ANKRD10: variants seen among roughly 807,000 people sequenced by gnomAD.
The protein encoded by ANKRD10 is ankyrin repeat domain-containing protein 10.
Under a neutral mutation model 27.0 loss-of-function variants are expected in ANKRD10, and 14 were observed. The ratio of observed to expected loss-of-function variants is 0.52; its 90% CI spans 0.34 to 0.81. The LOEUF is 0.81. Ranked by LOEUF, ANKRD10 falls within the 40% of genes least tolerant of loss-of-function variation. The probability of loss-of-function intolerance (pLI) is 0.01; values close to 1 mark genes in which losing one functional copy is unlikely to be tolerated. For missense variants in ANKRD10, 493 were observed against 544.0 expected, an observed-to-expected ratio of 0.91 and a Z score of 0.93; for synonymous variants, 250 against 224.5, an observed-to-expected ratio of 1.11 and a Z score of -1.01.
intron 4 of ANKRD10, among the ~76,000 whole-genome samples, chr13:110,891,695 GTTTTCCTTA>G (rs2065077554): frequency 6.6e-6 from 1 of 152,040 alleles, no homozygotes; most frequent in Non-Finnish European, 1.5e-5. Flanking sequence ...TAGTCACTCA[GTTTTCCTTA>G]TGCTGTAACT....
chr13:110,913,806 A>C (rs1351888350), intron 1 of ANKRD10, among the ~76,000 whole-genome samples: 3 of 152,228 alleles, frequency 2.0e-5, no homozygotes, highest in Non-Finnish European at 4.4e-5. Context: ...AGAAATATTA[A>C]TTAAAACCAG....
chr13:110,881,868 A>C (rs2064825506), intron 5 of ANKRD10, among the ~76,000 whole-genome samples: 2 of 152,202 alleles, frequency 1.3e-5, no homozygotes, highest in Non-Finnish European at 2.9e-5. Context: ...AATCTAATAA[A>C]ACTAAGCATA....
intron 3 of ANKRD10, among the ~76,000 whole-genome samples, chr13:110,902,512 C>T (rs2065413002): frequency 2.0e-5 from 3 of 152,092 alleles, no homozygotes; most frequent in Non-Finnish European, 4.4e-5. Context: ...TTGTTATAGC[C>T]AACTGTGCCT....
chr13:110,906,074 T>C lies in ANKRD10; in HGVS notation c.414A>G (p.Leu138=). ...TCGCCACAAGGGCACTGATGCATTC[T>C]AGGCTCCCAGAGCGAGCTGCCTTGT... ...PIHKAARSGS[L]ECISALVANG... is the part of the protein sequence containing the mutation. Residue 138 remains leucine, a synonymous_variant, in exon 3 of 6, where the codon CTA becomes CTG. Transcript: ENST00000267339. 1.2e-6 allele frequency: 2 copies of C among 1,605,052 alleles called. No individual in the cohort carries two copies. Among genetic ancestry groups the C allele is most frequent in the African/African-American group, 2.7e-5 (2 of 74,984 alleles).
At chr13:110,882,230 G>A (rs75292703) in intron 5 of ANKRD10, among the ~76,000 whole-genome samples, 41,496 of 152,070 alleles carry the variant, frequency 0.27, 7,088 homozygotes, top group Non-Finnish European at 0.39. Context: ...TAGAATTCTT[G>A]GAAATAATTT....
intron 3 of ANKRD10, among the ~76,000 whole-genome samples, chr13:110,904,724 T>C (rs1221027477): frequency 6.6e-6 from 1 of 152,260 alleles, no homozygotes; most frequent in Non-Finnish European, 1.5e-5. Context: ...TAAAACATAC[T>C]ATCAATTGTT....
intron 3 of ANKRD10, among the ~76,000 whole-genome samples, chr13:110,902,348 T>C (rs762054349): frequency 1.6e-5 from 2 of 126,734 alleles, no homozygotes; most frequent in Non-Finnish European, 3.5e-5. Context: ...ATCTGGTTTC[T>C]AGACAGGGCT....
chr13:110,879,653 A>C lies in ANKRD10; in HGVS notation c.1247T>G (p.Leu416Arg). The change falls in exon 6 of 6, where the codon CTG (leucine) becomes CGG (arginine). Residue 416 changes from leucine to arginine, a missense_variant. Physicochemically the swap from Leu to Arg is moderately radical, Grantham distance 102 (BLOSUM62 -2). Transcript: ENST00000267339. ...YDSAVLGTMH[L>R]HHGS The stretch of plus-strand genomic sequence containing the variant: ...TCAGCGTCTCTAGGAGCCGTGGTGC[A>C]GGTGCATGGTGCCCAGCACGGCACT... 2 of 1,612,086 alleles carry C rather than the reference A, an allele frequency of 1.2e-6. No individual in the cohort carries two copies. Among genetic ancestry groups the C allele is most frequent in the Non-Finnish European group, 1.7e-6 (2 of 1,178,910 alleles).
chr13:110,904,466 C>T (rs2065471283), intron 3 of ANKRD10: 1 of 152,092 alleles, frequency 6.6e-6, no homozygotes, highest in African/African-American at 2.4e-5. Flanking sequence ...ATGAATAAAA[C>T]ATCTTTGTAA....
intron 4 of ANKRD10, among the ~76,000 whole-genome samples, chr13:110,889,310 C>G (rs899047909): frequency 7.0e-6 from 1 of 142,442 alleles, no homozygotes; most frequent in Admixed American, 7.1e-5. Context: ...CTTGCACCAT[C>G]TAAAATGAAC....
intron 3 of ANKRD10, among the ~76,000 whole-genome samples, chr13:110,895,477 C>CT (rs1800141901): frequency 6.6e-6 from 1 of 152,092 alleles, no homozygotes; most frequent in Admixed American, 6.5e-5. Context: ...GTCCCTGCTA[C>CT]TTGGGAGGCT....
chr13:110,897,000 C>A lies in ANKRD10; in HGVS notation c.456-3737G>T, dbSNP rs553056404. Among the ~76,000 whole-genome samples, 166 of 152,024 alleles carry A rather than the reference C, an allele frequency of 1.1e-3. 3 individuals are homozygous for A. The highest frequency in any genetic ancestry group is 3.8e-3 in the African/African-American group (159 of 41,436). On this transcript the variant is annotated intron_variant, in intron 3 of 5. Coordinates refer to ENST00000267339, the MANE Select transcript of ANKRD10 (RefSeq NM_017664.4). ...ATGTATAGGGATTAAAAAAAACCAG[C>A]ATAATTGCATATGCATCACCTCAAA...
At position 110,879,853 on chromosome 13, in the gene ANKRD10, G is replaced by A; in HGVS notation, c.1047C>T (p.His349=). 1 of 1,614,244 alleles carries A rather than the reference G, an allele frequency of 6.2e-7. No individual in the cohort carries two copies. Among genetic ancestry groups the A allele is most frequent in the Non-Finnish European group, 8.5e-7 (1 of 1,180,050 alleles). ...TGCAGCTACTTGGACTCCCGTTCAGGTGCAGAGAACCGCACAACTCAGGGT... is the reference window on the plus strand; with the variant it reads ...TGCAGCTACTTGGACTCCCGTTCAGATGCAGAGAACCGCACAACTCAGGGT... ...RANPELCGSL[H]LNGSPSSCIA... is the part of the protein sequence containing the mutation. The change falls in exon 6 of 6, where the codon CAC becomes CAT. Residue 349 remains histidine (H), a synonymous_variant. Transcript: ENST00000267339.
intron 4 of ANKRD10, among the ~76,000 whole-genome samples, chr13:110,892,416 CAAA>C (rs71127979): frequency 6.1e-4 from 12 of 19,552 alleles, no homozygotes; most frequent in African/African-American, 1.8e-3. Flanking sequence ...GGTGACAGAG[CAAA>C]AAAAAAAAAA....
At chr13:110,886,904 C>A (rs2064946117) in intron 4 of ANKRD10, among the ~76,000 whole-genome samples, 1 of 152,204 alleles carries the variant, frequency 6.6e-6, no homozygotes, top group African/African-American at 2.4e-5. Flanking sequence ...AGGGTCTTCA[C>A]CTGCTGACTG....
chr13:110,879,533 A>T lies in ANKRD10; in HGVS notation c.*104T>A. On this transcript the variant is annotated 3_prime_UTR_variant, in exon 6 of 6. Transcript: ENST00000267339. ...CTTTTTCAGAAAGTTGAAGTATATA[A>T]AAAACGTACAAGTTGTGACATTCGT... 1.1e-6 allele frequency: 1 copy of T among 891,446 alleles called. No individual in the cohort carries two copies. The highest frequency in any genetic ancestry group is 1.7e-6 in the Non-Finnish European group (1 of 587,186). The allele number at this position is 891,446 out of a possible 1,614,324, so 55.2% of individuals were successfully genotyped here. A position where few individuals can be genotyped will look rare whatever the true frequency, so the allele number is the denominator to read the frequency against.
intron 3 of ANKRD10, among the ~76,000 whole-genome samples, chr13:110,893,587 A>G (rs1461140872): frequency 2.0e-5 from 3 of 152,238 alleles, no homozygotes; most frequent in Non-Finnish European, 4.4e-5. Flanking sequence ...ACTGAATTCT[A>G]TATTATATGC....
intron 5 of ANKRD10, among the ~76,000 whole-genome samples, chr13:110,881,978 C>A (rs1008490726): frequency 1.3e-5 from 2 of 152,180 alleles, no homozygotes; most frequent in Non-Finnish European, 1.5e-5. Context: ...AAGACCCGCA[C>A]TTCCCTTCTG....
intron 4 of ANKRD10, among the ~76,000 whole-genome samples, chr13:110,892,436 A>AAAAAAT (rs1555321016): frequency 7.6e-5 from 11 of 144,560 alleles, no homozygotes; most frequent in Admixed American, 2.8e-4. Context: ...AAAAAAAAAA[A>AAAAAAT]TGGTGGGAGA....
Sources: allele counts gnomAD v4.1 joint callset (sites outside exome capture counted in the v4.1 genomes callset), GRCh38; gene constraint gnomAD v4.1.1; transcripts MANE v1.5; gene names NCBI Gene and HGNC (gene_info 2026-07-23, HGNC 2026-07-21).